Variants in TMEM182 observed in about 807,000 individuals in gnomAD.
The protein encoded by TMEM182 is transmembrane protein 182.
TMEM182 carries 20 observed loss-of-function variants against 26.8 expected under a neutral mutation model. That is an observed-to-expected ratio of 0.75 (90% CI 0.53 to 1.09). The LOEUF is 1.09. Ranked by LOEUF, TMEM182 falls within the 50% of genes least tolerant of loss-of-function variation. TMEM182 has a pLI of 0.00. For synonymous variants in TMEM182, 109 were observed against 102.2 expected (o/e 1.07, Z -0.40); for missense variants, 277 against 275.5 (o/e 1.01, Z -0.04).
At chr2:102,824,176 G>A (rs1416095395) in intron 3 of TMEM182, among the ~76,000 whole-genome samples, 3 of 152,166 alleles carry the variant, frequency 2.0e-5, no homozygotes, top group African/African-American at 7.2e-5. Context: ...GTCTATGCCT[G>A]GCTCAGTTGA....
In TMEM182 at chr2:102,815,306, G is replaced by A. The variant is rs555580573; in HGVS notation, c.*338G>A. The A allele has an allele frequency of 2.0e-6, 2 of 1,019,016 alleles. No homozygotes were observed. The highest frequency in any genetic ancestry group is 1.7e-5 in the African/African-American group (1 of 58,186). The allele number at this position is 1,019,016 out of a possible 1,614,324, so 63.1% of individuals were successfully genotyped here. On this transcript the variant is annotated 3_prime_UTR_variant, in exon 5 of 5. Transcript: ENST00000412401. ...CATGGGGAAAATCTCGATAGATTTG[G>A]CTTAAAGTCTCCTTGGCATTCACTT... is the stretch of plus-strand genomic sequence containing the variant.
rs115950508 is a variant in TMEM182 at position 102,788,221 on chromosome 2, C to T, written c.332-9642C>T. Among the ~76,000 whole-genome samples the T allele has an allele frequency of 7.9e-3, 1,199 of 152,238 alleles. 19 individuals are homozygous for T. The highest frequency in any genetic ancestry group is 0.027 in the African/African-American group (1,116 of 41,536). On this transcript the variant is annotated intron_variant, in intron 3 of 4. Transcript: ENST00000412401. Reference sequence around the variant, plus strand: ...TACTGGGCTTTTGAAAACACTGATGCCTGTGCCCACCCTTAGGGGTCCTCA... The same window carrying T: ...TACTGGGCTTTTGAAAACACTGATGTCTGTGCCCACCCTTAGGGGTCCTCA...
intron 3 of TMEM182, among the ~76,000 whole-genome samples, chr2:102,779,112 AT>A (rs754276344): frequency 2.0e-4 from 31 of 151,280 alleles, no homozygotes; most frequent in Non-Finnish European, 3.0e-4. Flanking sequence ...GGGGTTAACA[AT>A]TTTTTTTTCT....
rs1428740073 is a variant in TMEM182, at chr2:102,744,628, A to G, written c.-83+7615A>G. ...AATAATCTCCCTTTGTTTATGTTAT[A>G]TAACTAGGCTTGATTTCTCCTTCAG... is the stretch of plus-strand genomic sequence containing the variant. On this transcript the variant is annotated intron_variant, in intron 1 of 5. Transcript: ENST00000409173. Among the ~76,000 whole-genome samples the G allele has an allele frequency of 2.6e-5, 4 of 152,120 alleles. 1 individual carries two copies. Among genetic ancestry groups the G allele is most frequent in the Admixed American group, 2.6e-4 (4 of 15,272 alleles).
intron 3 of TMEM182, among the ~76,000 whole-genome samples, chr2:102,771,841 G>C (rs1680689748): frequency 6.6e-6 from 1 of 152,158 alleles, no homozygotes. Context: ...TGTATTGTGG[G>C]ATGTTTAGTG....
At chr2:102,781,356 G>A (rs1681158995) in intron 3 of TMEM182, among the ~76,000 whole-genome samples, 1 of 152,186 alleles carries the variant, frequency 6.6e-6, no homozygotes. Context: ...GTTTTAAGAA[G>A]ATGATTTGCA....
intron 3 of TMEM182, among the ~76,000 whole-genome samples, chr2:102,833,064 A>T (rs1183037528): frequency 6.6e-6 from 1 of 152,196 alleles, no homozygotes; most frequent in Non-Finnish European, 1.5e-5. Flanking sequence ...CAATGCAAAA[A>T]GAAAAGAGTC....
At chr2:102,840,669 T>C (rs187647512) in intron 3 of TMEM182, among the ~76,000 whole-genome samples, 1 of 152,286 alleles carries the variant, frequency 6.6e-6, no homozygotes, top group Admixed American at 6.5e-5. Flanking sequence ...CTCCAGCTCC[T>C]TTCACAGAAA....
intron 3 of TMEM182, among the ~76,000 whole-genome samples, chr2:102,765,271 AG>A (rs1467548236): frequency 6.6e-6 from 1 of 152,158 alleles, no homozygotes; most frequent in African/African-American, 2.4e-5. Context: ...CTGGAGATTC[AG>A]GTCAGAGCTG....
chr2:102,818,850 T>A (rs1682843314), downstream of TMEM182, among the ~76,000 whole-genome samples: 2 of 152,326 alleles, frequency 1.3e-5, no homozygotes, highest in South Asian at 4.1e-4. Flanking sequence ...ATTGTCTATA[T>A]AAGTAACTAA....
intron 4 of TMEM182, among the ~76,000 whole-genome samples, chr2:102,812,533 A>G (rs769308485): frequency 6.6e-6 from 1 of 152,166 alleles, no homozygotes; most frequent in Admixed American, 6.5e-5. Flanking sequence ...AGAAATGACT[A>G]CTTTTCCTTC....
At chr2:102,739,253 A>G (rs1679477935) in intron 1 of TMEM182, among the ~76,000 whole-genome samples, 1 of 152,224 alleles carries the variant, frequency 6.6e-6, no homozygotes, top group East Asian at 1.9e-4. Context: ...CTTGACCTGC[A>G]GGGATCTTTG....
At chr2:102,755,692 TC>T (rs1680011752) in intron 1 of TMEM182, among the ~76,000 whole-genome samples, 1 of 152,196 alleles carries the variant, frequency 6.6e-6, no homozygotes, top group African/African-American at 2.4e-5. Context: ...CTCAGACACT[TC>T]CCTCTGGCCT....
intron 3 of TMEM182, among the ~76,000 whole-genome samples, chr2:102,773,836 A>G (rs1428081788): frequency 1.3e-5 from 2 of 152,306 alleles, no homozygotes; most frequent in East Asian, 3.9e-4. Flanking sequence ...ATTCTAACAC[A>G]GTCCTATTAA....
intron 3 of TMEM182, among the ~76,000 whole-genome samples, chr2:102,838,373 T>C (rs1409293111): frequency 6.6e-6 from 1 of 152,188 alleles, no homozygotes; most frequent in Non-Finnish European, 1.5e-5. Context: ...GTGTAGCACA[T>C]AACTAAATGA....
At chr2:102,799,514 T>A (rs1056317322) in intron 4 of TMEM182, among the ~76,000 whole-genome samples, 1 of 152,196 alleles carries the variant, frequency 6.6e-6, no homozygotes, top group African/African-American at 2.4e-5. Context: ...CAAAAAGATA[T>A]GGGCAAATTG....
chr2:102,823,613 G>A (rs1048896614), intron 3 of TMEM182, among the ~76,000 whole-genome samples: 4 of 152,258 alleles, frequency 2.6e-5, no homozygotes, highest in African/African-American at 9.6e-5. Context: ...GATTACAGGC[G>A]TGAGCCACCA....
intron 3 of TMEM182, among the ~76,000 whole-genome samples, chr2:102,833,583 A>G (rs753797401): frequency 1.2e-4 from 19 of 152,220 alleles, no homozygotes; most frequent in Admixed American, 5.2e-4. Context: ...GTACAATACC[A>G]AGAACTAAAC....
At chr2:102,785,733 G>A (rs913545176) in intron 3 of TMEM182, among the ~76,000 whole-genome samples, 1 of 152,166 alleles carries the variant, frequency 6.6e-6, no homozygotes, top group African/African-American at 2.4e-5. Context: ...CTAAGAGAAA[G>A]ATTCCAAGAT....
Sources: gnomAD v4.1 joint callset for allele counts (sites outside exome capture counted in the v4.1 genomes callset) on GRCh38, gnomAD v4.1.1 for gene constraint, MANE v1.5 for transcripts, NCBI Gene and HGNC (gene_info 2026-07-23, HGNC 2026-07-21) for gene names.